CDC73: variants seen among roughly 807,000 people sequenced by gnomAD.
CDC73 encodes the protein cell division cycle 73.
A neutral mutation model predicts 83.7 loss-of-function variants in CDC73; 21 were observed. The observed-to-expected ratio is 0.25, with a 90% CI of 0.18 to 0.36. The LOEUF is 0.36. CDC73 is among the 10% of genes least tolerant of loss of function. The pLI, the probability that CDC73 is intolerant of heterozygous loss-of-function variation, is 1.00. For synonymous variants in CDC73, 224 were observed against 212.9 expected, an observed-to-expected ratio of 1.05 and a Z score of -0.45; for missense variants, 342 against 653.3, an observed-to-expected ratio of 0.52 and a Z score of 5.19.
chr1:193,172,025 A>G (rs894645967), intron 10 of CDC73, among the ~76,000 whole-genome samples: 9 of 152,074 alleles, frequency 5.9e-5, no homozygotes, highest in Admixed American at 1.3e-4. Context: ...CCTGGATTCA[A>G]GTGATTTTCC....
chr1:193,124,990 CT>C (rs1051662046), intron 1 of CDC73, 121 bp from the exon 2 acceptor site: 223 of 682,630 alleles, frequency 3.3e-4, no homozygotes, highest in Admixed American at 4.9e-4. Context: ...AGATTTTATA[CT>C]TTTTTTTTGT....
Position 193,233,010 on chromosome 1 carries a change from A to G in CDC73, c.1172A>G (p.Glu391Gly). The change falls in exon 14 of 17, where the codon GAA becomes GGA. Residue 391 changes from glutamate to glycine, a missense_variant. Physicochemically the swap from Glu to Gly is moderately conservative, Grantham distance 98 (BLOSUM62 -2). This residue lies in a region of CDC73 where 239 missense variants were observed against 420.6 expected (regional missense o/e 0.57). Coordinates refer to ENST00000367435, the MANE Select transcript of CDC73 (RefSeq NM_024529.5). Reference sequence around the variant, plus strand: ...TTTCAAAGATTTGTCCCATCAGATGAAAAGAAGAAACAAGGTTGTCAACGA... The same window carrying G: ...TTTCAAAGATTTGTCCCATCAGATGGAAAGAAGAAACAAGGTTGTCAACGA... ...LQDLKFVPSD[E>G]KKKQGCQREN... The G allele has an allele frequency of 6.2e-7, 1 of 1,613,848 alleles. No individual in the cohort carries two copies. Among genetic ancestry groups the G allele is most frequent in the Non-Finnish European group, 8.5e-7 (1 of 1,179,722 alleles).
intron 13 of CDC73, among the ~76,000 whole-genome samples, chr1:193,219,508 G>A (rs1677428504): frequency 6.6e-6 from 1 of 152,136 alleles, no homozygotes. Flanking sequence ...TCCATCAGTG[G>A]TGGATTGGAT....
At chr1:193,164,944 C>T (rs746175261) in intron 10 of CDC73, among the ~76,000 whole-genome samples, 22 of 152,062 alleles carry the variant, frequency 1.4e-4, no homozygotes, top group Non-Finnish European at 2.8e-4. Context: ...AGGTGAGGAG[C>T]GATAGACTGA....
chr1:193,199,872 T>A (rs547716512), intron 10 of CDC73, among the ~76,000 whole-genome samples: 82 of 152,116 alleles, frequency 5.4e-4, no homozygotes, highest in Non-Finnish European at 1.0e-3. Flanking sequence ...TATGTGACTT[T>A]TGCCCTTATT....
chr1:193,209,882 C>A (rs969545320), intron 11 of CDC73, among the ~76,000 whole-genome samples: 1 of 152,024 alleles, frequency 6.6e-6, no homozygotes, highest in African/African-American at 2.4e-5. Flanking sequence ...TCCTCTCCCC[C>A]CTCTCTGCCT....
chr1:193,165,162 G>A (rs140495969), intron 10 of CDC73, among the ~76,000 whole-genome samples: 81 of 152,262 alleles, frequency 5.3e-4, no homozygotes, highest in African/African-American at 1.7e-3. Flanking sequence ...GATTGCAGGT[G>A]TATGCCACTT....
chr1:193,123,403 G>T (rs1675501938), intron 1 of CDC73, among the ~76,000 whole-genome samples: 1 of 151,950 alleles, frequency 6.6e-6, no homozygotes, highest in South Asian at 2.1e-4. Flanking sequence ...AATTTATGTA[G>T]TTTAGTAGAG....
At chr1:193,222,635 T>C (rs1677492156) in intron 13 of CDC73, among the ~76,000 whole-genome samples, 1 of 152,194 alleles carries the variant, frequency 6.6e-6, no homozygotes, top group Non-Finnish European at 1.5e-5. Context: ...TTATCTGCTG[T>C]AGCTAGATGC....
At chr1:193,243,704 G>C (rs1677901436) in intron 15 of CDC73, among the ~76,000 whole-genome samples, 1 of 152,030 alleles carries the variant, frequency 6.6e-6, no homozygotes, top group Non-Finnish European at 1.5e-5. Context: ...TTTTACACAT[G>C]AATACTACTT....
intron 2 of CDC73, among the ~76,000 whole-genome samples, chr1:193,126,275 G>C (rs1001133116): frequency 2.6e-5 from 4 of 152,148 alleles, no homozygotes; most frequent in African/African-American, 4.8e-5. Context: ...GTTTTGTGCA[G>C]CTGTTTTAGT....
At chr1:193,198,656 G>C (rs1254480060) in intron 10 of CDC73, among the ~76,000 whole-genome samples, 3 of 152,134 alleles carry the variant, frequency 2.0e-5, no homozygotes, top group Non-Finnish European at 4.4e-5. Flanking sequence ...AATGCCAAAA[G>C]GTCAAAACAA....
chr1:193,210,602 A>C (rs551474545), intron 11 of CDC73, among the ~76,000 whole-genome samples: 1 of 152,202 alleles, frequency 6.6e-6, no homozygotes, highest in South Asian at 2.1e-4. Flanking sequence ...AAATACAAAC[A>C]TATGGGCCAG....
rs747679189 is a variant in CDC73, at chr1:193,251,071, A to G, written c.*359A>G. On this transcript the variant is annotated 3_prime_UTR_variant, in exon 17 of 17. Transcript: ENST00000367435. ...CCATCTTCTGATTTTTCATTGCTCT[A>G]TAATTCTTTTTACTGAAAATACTAT... The G allele has an allele frequency of 4.4e-4, 132 of 298,804 alleles. No individual in the cohort carries two copies. Among genetic ancestry groups the G allele is most frequent in the Non-Finnish European group, 7.4e-4 (118 of 158,858 alleles). 18.5% of individuals were successfully genotyped at this position (298,804 alleles called of 1,614,324 possible).
At chr1:193,193,042 C>G (rs1403877187) in intron 10 of CDC73, among the ~76,000 whole-genome samples, 1 of 152,088 alleles carries the variant, frequency 6.6e-6, no homozygotes, top group Non-Finnish European at 1.5e-5. Flanking sequence ...TGCTTTTTTC[C>G]TGTAATTTTA....
chr1:193,194,162 TAAATC>T (rs1263687598), intron 10 of CDC73, among the ~76,000 whole-genome samples: 2 of 152,220 alleles, frequency 1.3e-5, no homozygotes, highest in East Asian at 3.8e-4. Flanking sequence ...TCTTCAAACT[TAAATC>T]AGTTAATTGC....
At chr1:193,216,461 C>T (rs540733733) in intron 13 of CDC73, among the ~76,000 whole-genome samples, 111 of 152,206 alleles carry the variant, frequency 7.3e-4, no homozygotes, top group Non-Finnish European at 1.5e-3. Context: ...ATCCTACCAA[C>T]CGGAAGCCCC....
At chr1:193,201,714 G>T (rs1677094171) in intron 10 of CDC73, among the ~76,000 whole-genome samples, 1 of 152,034 alleles carries the variant, frequency 6.6e-6, no homozygotes, top group East Asian at 1.9e-4. Context: ...AAATTCCTAA[G>T]GGTTACAATT....
chr1:193,250,912 G>C lies in CDC73; in HGVS notation c.*200G>C. The C allele has an allele frequency of 1.8e-6, 1 of 560,930 alleles. No homozygotes were observed. Among genetic ancestry groups the C allele is most frequent in the Non-Finnish European group, 3.2e-6 (1 of 312,146 alleles). 34.7% of individuals were successfully genotyped at this position (560,930 alleles called of 1,614,324 possible). A position where few individuals can be genotyped will look rare whatever the true frequency, so the allele number is the denominator to read the frequency against. ...TTTTTTAATATTAGCCTTCTAGTCT[G>C]TAATGGAAATTGTATATTTTGATAG... On this transcript the variant is annotated 3_prime_UTR_variant, in exon 17 of 17. Transcript: ENST00000367435.
Sources: allele counts gnomAD v4.1 joint callset (sites outside exome capture counted in the v4.1 genomes callset), GRCh38; gene constraint gnomAD v4.1.1; regional missense constraint gnomAD v4.1.1; transcripts MANE v1.5; gene names NCBI Gene and HGNC (gene_info 2026-07-23, HGNC 2026-07-21).